The following PTPRT variants were observed in gnomAD, a reference collection of about 807,000 sequenced individuals.
PTPRT encodes the protein protein tyrosine phosphatase receptor type T.
In PTPRT, 56 loss-of-function variants were observed where a neutral mutation model predicts 176.8. The ratio of observed to expected loss-of-function variants is 0.32; its 90% CI spans 0.26 to 0.40. The LOEUF (loss-of-function observed/expected upper bound fraction) is 0.40, where lower values mean the gene tolerates loss of function less well. Ranked by LOEUF, PTPRT falls within the 10% of genes least tolerant of loss-of-function variation. The pLI is 1.00. For missense variants in PTPRT, 1,540 were observed against 1,908.2 expected (o/e 0.81, Z 3.60); for synonymous variants, 783 against 739.0 (o/e 1.06, Z -0.96).
intron 5 of PTPRT, among the ~76,000 whole-genome samples, 185 bp downstream of exon 5, chr20:42,771,250 C>T (rs567611399): frequency 3.3e-5 from 5 of 152,300 alleles, no homozygotes; most frequent in Admixed American, 1.3e-4. Context: ...CAAGCCCAGA[C>T]CTCTCCCGCC....
At chr20:43,058,942 T>G (rs529303232) in intron 1 of PTPRT, among the ~76,000 whole-genome samples, 1 of 152,246 alleles carries the variant, frequency 6.6e-6, no homozygotes, top group East Asian at 1.9e-4. Context: ...GGGTGACCAA[T>G]GAGTATAGCA....
At chr20:42,653,728 A>T (rs993124871) in intron 7 of PTPRT, among the ~76,000 whole-genome samples, 3 of 152,238 alleles carry the variant, frequency 2.0e-5, no homozygotes, top group Admixed American at 6.5e-5. Flanking sequence ...GTTTCCAAGA[A>T]CTTAATAATT....
chr20:42,349,752 T>C (rs879567473), intron 11 of PTPRT, among the ~76,000 whole-genome samples: 1 of 152,244 alleles, frequency 6.6e-6, no homozygotes, highest in Non-Finnish European at 1.5e-5. Context: ...TTTAAGGGAC[T>C]GTAGTCCTCC....
At chr20:42,089,279 C>T (rs1243940181) in intron 27 of PTPRT, among the ~76,000 whole-genome samples, 1 of 152,062 alleles carries the variant, frequency 6.6e-6, no homozygotes, top group Non-Finnish European at 1.5e-5. Context: ...GAGATTGGTA[C>T]AAATAAGTCT....
chr20:42,859,063 G>C (rs1296843827), intron 2 of PTPRT, among the ~76,000 whole-genome samples: 1 of 152,150 alleles, frequency 6.6e-6, no homozygotes, highest in Non-Finnish European at 1.5e-5. Flanking sequence ...TGCAGCGTCA[G>C]GAGAAGGGAC....
At chr20:42,411,589 C>T (rs1219904268) in intron 9 of PTPRT, among the ~76,000 whole-genome samples, 5 of 146,684 alleles carry the variant, frequency 3.4e-5, no homozygotes, top group Non-Finnish European at 6.0e-5. Context: ...CCAGACTGAT[C>T]GAGAAAGAAA....
chr20:42,087,734 A>G (rs1984132952), intron 27 of PTPRT, among the ~76,000 whole-genome samples: 1 of 151,040 alleles, frequency 6.6e-6, no homozygotes, highest in African/African-American at 2.4e-5. Flanking sequence ...TTAGCCGGGT[A>G]TGGTGGTGGG....
At chr20:42,550,103 G>T (rs1238599759) in intron 7 of PTPRT, among the ~76,000 whole-genome samples, 2 of 152,054 alleles carry the variant, frequency 1.3e-5, no homozygotes, top group Non-Finnish European at 2.9e-5. Context: ...AATAGCTATC[G>T]CTTTGTCTTC....
intron 16 of PTPRT, 24 bp from the exon 17 acceptor site, chr20:42,161,566 A>T (rs941589729): frequency 7.6e-6 from 12 of 1,577,420 alleles, no homozygotes; most frequent in Non-Finnish European, 9.5e-6. Flanking sequence ...GAGGCAGAAC[A>T]GATCATCACC....
At chr20:42,513,842 T>A (rs1161420536) in intron 7 of PTPRT, among the ~76,000 whole-genome samples, 1 of 152,164 alleles carries the variant, frequency 6.6e-6, no homozygotes, top group Non-Finnish European at 1.5e-5. Flanking sequence ...AAACCTCCAA[T>A]GAAAAATGAA....
intron 7 of PTPRT, among the ~76,000 whole-genome samples, chr20:42,495,231 C>G (rs2071632950): frequency 6.6e-6 from 1 of 152,198 alleles, no homozygotes; most frequent in African/African-American, 2.4e-5. Flanking sequence ...AAGTGCTACA[C>G]TCTTAATGCC....
chr20:42,076,579 G>A lies in PTPRT; in HGVS notation c.*4300C>T, dbSNP rs1982795567. 5.1e-6 allele frequency: 1 copy of A among 195,870 alleles called. No homozygotes were observed. The highest frequency in any genetic ancestry group is 7.9e-5 in the East Asian group (1 of 12,604). 12.1% of individuals were successfully genotyped at this position (195,870 alleles called of 1,614,324 possible). A position where few individuals can be genotyped will look rare whatever the true frequency, so the allele number is the denominator to read the frequency against. ...ACACCAAAGGAGCTGCCTAGGAGAA[G>A]GTCAGTTGGTCTTGATCTTGAGCCT... On this transcript the variant is annotated 3_prime_UTR_variant, in exon 31 of 31. Coordinates refer to ENST00000373187, the MANE Select transcript of PTPRT (RefSeq NM_007050.6).
At chr20:43,050,926 C>A (rs1987019408) in intron 1 of PTPRT, among the ~76,000 whole-genome samples, 1 of 152,170 alleles carries the variant, frequency 6.6e-6, no homozygotes. Context: ...AGTGACCCAA[C>A]CTCCCTCAAT....
chr20:43,110,064 C>T (rs2425607), intron 1 of PTPRT, among the ~76,000 whole-genome samples: 38,533 of 152,054 alleles, frequency 0.25, 4,964 homozygotes, highest in Non-Finnish European at 0.26. Flanking sequence ...AAATTGTTTA[C>T]TTGACTCATG....
chr20:42,563,538 A>T (rs2072988308), intron 7 of PTPRT, among the ~76,000 whole-genome samples: 1 of 152,204 alleles, frequency 6.6e-6, no homozygotes, highest in Non-Finnish European at 1.5e-5. Context: ...ATACACAAAG[A>T]TATGTACCAG....
In PTPRT at chr20:42,794,427, A is replaced by G. The variant is rs1360977548; in HGVS notation, c.215-2961T>C. 5.3e-5 allele frequency among the ~76,000 whole-genome samples: 8 copies of G among 152,124 alleles called. No individual in the cohort carries two copies. The South Asian group carries it at 1.5e-3, about 28-fold the overall frequency. On this transcript the variant is annotated intron_variant, in intron 2 of 30. Coordinates refer to ENST00000373187, the MANE Select transcript of PTPRT (RefSeq NM_007050.6). ...GAATCTCACATCCACCCCCAGGCCT[A>G]TTGAGTTTGGATCTGCAGTTTATCA...
chr20:42,064,695 C>T, the PTPRT span, among the ~76,000 whole-genome samples: 1 of 152,072 alleles, frequency 6.6e-6, no homozygotes. Context: ...TAGACATATA[C>T]CAAAGATTGA....
intron 7 of PTPRT, among the ~76,000 whole-genome samples, chr20:42,636,099 G>A (rs968079486): frequency 6.6e-6 from 1 of 152,006 alleles, no homozygotes. Context: ...CAGTAACCTC[G>A]AACTTGATTA....
At chr20:43,040,004 G>T (rs1986540994) in intron 1 of PTPRT, among the ~76,000 whole-genome samples, 2 of 151,854 alleles carry the variant, frequency 1.3e-5, no homozygotes, top group Non-Finnish European at 2.9e-5. Flanking sequence ...TAGTACCGTT[G>T]CACTCCAGCC....
Sources: gnomAD v4.1 joint callset for allele counts (sites outside exome capture counted in the v4.1 genomes callset) on GRCh38, gnomAD v4.1.1 for gene constraint, MANE v1.5 for transcripts, NCBI Gene and HGNC (gene_info 2026-07-23, HGNC 2026-07-21) for gene names.